PTPRA: variants seen among roughly 807,000 people sequenced by gnomAD.
PTPRA encodes receptor-type tyrosine-protein phosphatase alpha.
Under a neutral mutation model 104.8 loss-of-function variants are expected in PTPRA, and 25 were observed. The observed-to-expected ratio is 0.24, with a 90% CI of 0.17 to 0.33. The LOEUF (loss-of-function observed/expected upper bound fraction) is 0.33, where lower values mean the gene tolerates loss of function less well. PTPRA is among the 10% of genes least tolerant of loss of function. The pLI, the probability that PTPRA is intolerant of heterozygous loss-of-function variation, is 1.00. For missense variants in PTPRA, 765 were observed against 1,015.3 expected (o/e 0.75, Z 3.35); for synonymous variants, 323 against 368.9 (o/e 0.88, Z 1.43).
intron 1 of PTPRA, among the ~76,000 whole-genome samples, chr20:2,884,228 AG>A (rs1418961563): frequency 6.7e-6 from 1 of 149,444 alleles, no homozygotes; most frequent in African/African-American, 2.5e-5. Flanking sequence ...GTGTAGTCAT[AG>A]GTTTTAATTT....
At position 2,937,417 on chromosome 20, in the gene PTPRA, C is replaced by T. The variant is rs915128399; in HGVS notation, c.-49-10565C>T. ...GGATTACAGGCATGAGCCATTGTGCCTGGCACACCTTCCTTCTTTATGGTA... is the reference window on the plus strand; with the variant it reads ...GGATTACAGGCATGAGCCATTGTGCTTGGCACACCTTCCTTCTTTATGGTA... On this transcript the variant is annotated intron_variant, in intron 2 of 23. Transcript: ENST00000399903. 3.3e-5 allele frequency among the ~76,000 whole-genome samples: 5 copies of T among 152,286 alleles called. No individual in the cohort carries two copies. The East Asian group carries it at 9.6e-4, about 29-fold the overall frequency.
At chr20:2,901,035 G>T (rs970137838) in intron 1 of PTPRA, among the ~76,000 whole-genome samples, 1 of 151,706 alleles carries the variant, frequency 6.6e-6, no homozygotes, top group African/African-American at 2.4e-5. Context: ...GCAGTGGCGC[G>T]ATCTCGGCTC....
chr20:2,989,503 C>G (rs1432916401), intron 9 of PTPRA, among the ~76,000 whole-genome samples: 1 of 152,122 alleles, frequency 6.6e-6, no homozygotes, highest in South Asian at 2.1e-4. Context: ...GTGGTGGGGA[C>G]AGGGGATTGG....
chr20:2,876,044 A>G (rs1019968011), intron 1 of PTPRA, among the ~76,000 whole-genome samples: 2 of 152,190 alleles, frequency 1.3e-5, no homozygotes, highest in South Asian at 2.1e-4. Context: ...ATGGAGAGCT[A>G]CTAGAGGATT....
chr20:2,880,212 C>G (rs1201788625), intron 1 of PTPRA, among the ~76,000 whole-genome samples: 2 of 152,154 alleles, frequency 1.3e-5, no homozygotes, highest in Non-Finnish European at 2.9e-5. Context: ...CAGTAGTTTT[C>G]AAATTGAGGT....
chr20:3,019,900 C>T (rs1204534110), intron 13 of PTPRA, among the ~76,000 whole-genome samples: 19 of 152,094 alleles, frequency 1.2e-4, no homozygotes, highest in Non-Finnish European at 1.0e-4. Context: ...AGCGAAACCC[C>T]GTCTCCACCA....
At chr20:2,930,026 C>A (rs139484467) in intron 2 of PTPRA, among the ~76,000 whole-genome samples, 1 of 152,200 alleles carries the variant, frequency 6.6e-6, no homozygotes, top group Non-Finnish European at 1.5e-5. Flanking sequence ...TCATAGGAAA[C>A]CAAACTTGCT....
chr20:2,942,884 T>G (rs1389426159), intron 2 of PTPRA, among the ~76,000 whole-genome samples: 2 of 152,032 alleles, frequency 1.3e-5, no homozygotes, highest in African/African-American at 4.8e-5. Flanking sequence ...CAGATATATA[T>G]TTTCCTATAC....
At position 2,998,177 on chromosome 20, in the gene PTPRA, C is replaced by CA. The variant is rs11475589; in HGVS notation, c.739-6860dup. 9.2e-3 allele frequency among the ~76,000 whole-genome samples: 760 copies of CA among 82,692 alleles called. 8 individuals carry two copies. The highest frequency in any genetic ancestry group is 0.026 in the African/African-American group (465 of 18,222). The allele number at this position is 82,692 out of a possible 152,430, so 54.2% of individuals were successfully genotyped here. The stretch of plus-strand genomic sequence containing the variant: ...TGGCTACCAGAGTGAGACTCTGTCT[C>CA]AAAAAAAAAAAAAAAAAAAGGCTTA... On this transcript the variant is annotated intron_variant, in intron 9 of 23. Transcript: ENST00000399903.
chr20:2,909,829 G>T (rs935541645), intron 1 of PTPRA, among the ~76,000 whole-genome samples: 3 of 112,642 alleles, frequency 2.7e-5, no homozygotes, highest in African/African-American at 4.0e-5. Flanking sequence ...ATATATATTA[G>T]ATAATATATA....
At chr20:3,019,206 AC>A (rs1390862688) in intron 13 of PTPRA, among the ~76,000 whole-genome samples, 3 of 123,780 alleles carry the variant, frequency 2.4e-5, no homozygotes, top group African/African-American at 3.4e-5. Context: ...CGTGGGGCTG[AC>A]CCCCCCACCT....
intron 22 of PTPRA, among the ~76,000 whole-genome samples, chr20:3,036,897 C>T (rs2065825303): frequency 6.6e-6 from 1 of 152,208 alleles, no homozygotes; most frequent in Non-Finnish European, 1.5e-5. Flanking sequence ...ACAGCAATGG[C>T]TCTGTGCTGG....
chr20:2,910,597 T>TTG (rs2059682415), intron 1 of PTPRA, among the ~76,000 whole-genome samples: 4 of 127,566 alleles, frequency 3.1e-5, no homozygotes, highest in African/African-American at 9.5e-5. Flanking sequence ...TTGTTTTTTT[T>TTG]TTGTTTTTTT....
intron 20 of PTPRA, among the ~76,000 whole-genome samples, chr20:3,030,927 G>A (rs1032686334): frequency 4.6e-5 from 7 of 152,022 alleles, no homozygotes; most frequent in South Asian, 2.1e-4. Context: ...TGATCCGCCC[G>A]CCTTAGCCTC....
At chr20:2,922,412 T>C (rs1468879147) in intron 1 of PTPRA, among the ~76,000 whole-genome samples, 1 of 152,200 alleles carries the variant, frequency 6.6e-6, no homozygotes, top group Non-Finnish European at 1.5e-5. Context: ...CGATCTCGGC[T>C]CACTGCAACC....
At chr20:2,888,692 AAGGT>A (rs1199425980) in intron 1 of PTPRA, among the ~76,000 whole-genome samples, 1 of 152,168 alleles carries the variant, frequency 6.6e-6, no homozygotes, top group East Asian at 1.9e-4. Flanking sequence ...TATATAGTAA[AAGGT>A]AGTTTTCTCT....
chr20:2,917,138 G>A (rs1461724235), intron 1 of PTPRA, among the ~76,000 whole-genome samples: 1 of 151,770 alleles, frequency 6.6e-6, no homozygotes, highest in East Asian at 1.9e-4. Flanking sequence ...TGTATTTTTA[G>A]TAGAGATGGG....
At chr20:2,988,895 G>T (rs2063021105) in intron 9 of PTPRA, among the ~76,000 whole-genome samples, 1 of 152,154 alleles carries the variant, frequency 6.6e-6, no homozygotes, top group African/African-American at 2.4e-5. Flanking sequence ...AGCACATGAA[G>T]GACTGGTGCA....
At chr20:2,985,884 CTTGTTTGTTTG>C (rs891055212) in intron 6 of PTPRA, among the ~76,000 whole-genome samples, 3 of 148,640 alleles carry the variant, frequency 2.0e-5, no homozygotes, top group African/African-American at 7.5e-5. Flanking sequence ...CAGCTGTCTC[CTTGTTTGTTTG>C]TTTGTTTGTT....
Sources: allele counts gnomAD v4.1 joint callset (sites outside exome capture counted in the v4.1 genomes callset), GRCh38; gene constraint gnomAD v4.1.1; transcripts MANE v1.5; gene names NCBI Gene and HGNC (gene_info 2026-07-23, HGNC 2026-07-21).